The following PCDH15 variants were observed in gnomAD, a reference collection of about 807,000 sequenced individuals.
PCDH15 encodes protocadherin-15.
A neutral mutation model predicts 178.5 loss-of-function variants in PCDH15; 129 were observed. The observed-to-expected ratio is 0.72, with a 90% CI of 0.63 to 0.84. The LOEUF is 0.84. Ranked by LOEUF, PCDH15 falls within the 40% of genes least tolerant of loss-of-function variation. The pLI, the probability that PCDH15 is intolerant of heterozygous loss-of-function variation, is 0.00. For missense variants in PCDH15, 2,230 were observed against 2,099.9 expected (o/e 1.06, Z -1.21); for synonymous variants, 800 against 732.0 (o/e 1.09, Z -1.50).
At chr10:54,376,818 T>A in intron 4 of PCDH15, among the ~76,000 whole-genome samples, 1 of 151,966 alleles carries the variant, frequency 6.6e-6, no homozygotes, top group East Asian at 1.9e-4. Flanking sequence ...AACTCCCTAG[T>A]CCAGTAATAT....
At chr10:55,026,694 A>AG (rs1840484035) in intron 2 of PCDH15, among the ~76,000 whole-genome samples, 2 of 151,908 alleles carry the variant, frequency 1.3e-5, no homozygotes, top group East Asian at 3.9e-4. Flanking sequence ...AGAGAGAATG[A>AG]GGGGGAGAAA....
intron 1 of PCDH15, among the ~76,000 whole-genome samples, chr10:54,737,133 C>T (rs1157162045): frequency 6.6e-6 from 1 of 152,066 alleles, no homozygotes; most frequent in African/African-American, 2.4e-5. Flanking sequence ...ACAGAAAGGA[C>T]CTGATGTTAG....
intron 17 of PCDH15, among the ~76,000 whole-genome samples, chr10:54,074,507 T>C (rs1565190258): frequency 6.6e-6 from 1 of 152,318 alleles, no homozygotes; most frequent in African/African-American, 2.4e-5. Flanking sequence ...ATCTGTGATA[T>C]AGTGTATGTC....
chr10:54,328,897 C>T (rs1016280811), intron 7 of PCDH15, among the ~76,000 whole-genome samples: 2 of 151,778 alleles, frequency 1.3e-5, no homozygotes, highest in African/African-American at 4.8e-5. Context: ...ATTAAACTTC[C>T]ACTAATAATA....
intron 5 of PCDH15, among the ~76,000 whole-genome samples, chr10:54,361,616 T>G (rs750626381): frequency 1.2e-4 from 19 of 152,066 alleles, no homozygotes; most frequent in Non-Finnish European, 2.1e-4. Context: ...AGGTAGGAAG[T>G]GGTCATCCTA....
intron 3 of PCDH15, among the ~76,000 whole-genome samples, chr10:54,467,126 C>T (rs1367809008): frequency 6.6e-6 from 1 of 151,734 alleles, no homozygotes; most frequent in East Asian, 1.9e-4. Context: ...TTTTTCTTTT[C>T]CAGTTCGAAT....
chr10:54,899,986 C>A (rs1187600216), intron 2 of PCDH15, among the ~76,000 whole-genome samples: 1 of 151,386 alleles, frequency 6.6e-6, no homozygotes, highest in East Asian at 1.9e-4. Context: ...TCAATTGTAA[C>A]AATTAGTATT....
At chr10:55,330,838 A>ATGTG (rs71461291) in intron 2 of PCDH15, among the ~76,000 whole-genome samples, 28,977 of 144,508 alleles carry the variant, frequency 0.2, 2,819 homozygotes, top group South Asian at 0.25. Context: ...AGATTTATTT[A>ATGTG]TGTGTGTGTG....
chr10:54,332,938 T>C (rs1940161137), intron 6 of PCDH15, among the ~76,000 whole-genome samples: 1 of 151,972 alleles, frequency 6.6e-6, no homozygotes, highest in South Asian at 2.1e-4. Flanking sequence ...TATATGTATG[T>C]ATTTATTTAT....
In PCDH15 at chr10:55,199,167, G is replaced by A. The variant is rs1840173952; in HGVS notation, c.-155-32516C>T. The stretch of plus-strand genomic sequence containing the variant: ...GAGAGAAAGTTTGGAACTTCCTAAA[G>A]ACTTGTTGAATGGTTATGAACAAAA... On this transcript the variant is annotated intron_variant, in intron 1 of 5. Transcript: ENST00000458638. 3.3e-5 allele frequency among the ~76,000 whole-genome samples: 5 copies of A among 152,104 alleles called. No individual in the cohort carries two copies. The South Asian group carries it at 1.0e-3, about 31-fold the overall frequency.
chr10:55,333,817 G>T (rs1388809717), intron 2 of PCDH15, among the ~76,000 whole-genome samples: 1 of 151,668 alleles, frequency 6.6e-6, no homozygotes, highest in Admixed American at 6.6e-5. Flanking sequence ...AAAAGCTAAA[G>T]AAAACATAAA....
chr10:54,474,509 T>C (rs936873051), intron 3 of PCDH15, among the ~76,000 whole-genome samples: 1 of 151,952 alleles, frequency 6.6e-6, no homozygotes, highest in African/African-American at 2.4e-5. Flanking sequence ...CCTTTTTAAA[T>C]GTAATCAACT....
intron 1 of PCDH15, among the ~76,000 whole-genome samples, chr10:54,674,497 TAAGG>T (rs1249852610): frequency 1.3e-5 from 2 of 152,090 alleles, no homozygotes; most frequent in Non-Finnish European, 2.9e-5. Flanking sequence ...GACATCCATA[TAAGG>T]AAGCATTTCA....
At chr10:55,542,305 T>C (rs567476228) in intron 2 of PCDH15, among the ~76,000 whole-genome samples, 123 of 151,196 alleles carry the variant, frequency 8.1e-4, no homozygotes, top group African/African-American at 2.9e-3. Flanking sequence ...GTACAATATG[T>C]CCATATATGG....
intron 2 of PCDH15, among the ~76,000 whole-genome samples, chr10:55,425,760 ATGTT>A (rs1261291930): frequency 6.6e-6 from 1 of 152,198 alleles, no homozygotes; most frequent in Non-Finnish European, 1.5e-5. Context: ...ATCTGATTGA[ATGTT>A]TGTCTTATAA....
intron 8 of PCDH15, among the ~76,000 whole-genome samples, chr10:54,315,411 C>A (rs2133597223): frequency 6.6e-6 from 1 of 152,072 alleles, no homozygotes; most frequent in South Asian, 2.1e-4. Flanking sequence ...TTAAATTCCT[C>A]ATAGATGCTG....
At chr10:54,854,100 C>G (rs922560008) in intron 3 of PCDH15, among the ~76,000 whole-genome samples, 1 of 152,180 alleles carries the variant, frequency 6.6e-6, no homozygotes, top group Non-Finnish European at 1.5e-5. Flanking sequence ...GTCATGAGAG[C>G]TGCTGCAGCG....
At chr10:55,530,980 A>T (rs1010298080) in intron 2 of PCDH15, among the ~76,000 whole-genome samples, 5 of 150,696 alleles carry the variant, frequency 3.3e-5, no homozygotes, top group South Asian at 2.1e-4. Context: ...GCAGCATCAC[A>T]ATTGTCAAAG....
chr10:54,512,497 T>A (rs940078513), intron 3 of PCDH15, among the ~76,000 whole-genome samples: 1 of 151,904 alleles, frequency 6.6e-6, no homozygotes, highest in African/African-American at 2.4e-5. Flanking sequence ...TTCATTTTAA[T>A]TTTTTAATGA....
Sources: gnomAD v4.1 joint callset for allele counts (sites outside exome capture counted in the v4.1 genomes callset) on GRCh38, gnomAD v4.1.1 for gene constraint, MANE v1.5 for transcripts, NCBI Gene and HGNC (gene_info 2026-07-23, HGNC 2026-07-21) for gene names.